The following CFDP1 variants were observed in gnomAD, a reference collection of about 807,000 sequenced individuals.
The protein encoded by CFDP1 is heterochromatin-stabilizing protein CFDP1.
CFDP1 carries 31 observed loss-of-function variants against 40.1 expected under a neutral mutation model. The ratio of observed to expected loss-of-function variants is 0.77; its 90% CI spans 0.58 to 1.04. The LOEUF is 1.04. CFDP1 is among the 50% of genes least tolerant of loss of function. The pLI is 0.00. For synonymous variants in CFDP1, 167 were observed against 120.0 expected, an observed-to-expected ratio of 1.39 and a Z score of -2.56; for missense variants, 423 against 343.4, an observed-to-expected ratio of 1.23 and a Z score of -1.83.
intron 5 of CFDP1, among the ~76,000 whole-genome samples, chr16:75,380,494 GA>G (rs920375716): frequency 1.5e-4 from 22 of 151,594 alleles, no homozygotes; most frequent in African/African-American, 5.3e-4. Context: ...ACAGGCAGTA[GA>G]GAACTAGAAC....
chr16:75,344,613 A>G (rs2078549380), intron 5 of CFDP1, among the ~76,000 whole-genome samples: 2 of 152,236 alleles, frequency 1.3e-5, no homozygotes, highest in Admixed American at 6.5e-5. Flanking sequence ...TAACCCTTAC[A>G]AAGAGCCCAG....
At chr16:75,294,117 G>A in intron 6 of CFDP1, 75 bp from the exon 7 acceptor site, 3 of 1,105,518 alleles carry the variant, frequency 2.7e-6, no homozygotes, top group Middle Eastern at 2.0e-4. Flanking sequence ...CCATCCCCCA[G>A]GGATAAACTA....
At chr16:75,404,275 G>A (rs534433819) in intron 4 of CFDP1, among the ~76,000 whole-genome samples, 11 of 144,660 alleles carry the variant, frequency 7.6e-5, no homozygotes, top group Admixed American at 4.9e-4. Flanking sequence ...TTGCTCTGTT[G>A]CCCAGGCTGG....
At chr16:75,319,526 C>T (rs116958559) in intron 5 of CFDP1, among the ~76,000 whole-genome samples, 1,802 of 152,216 alleles carry the variant, frequency 0.012, 22 homozygotes, top group Non-Finnish European at 0.014. Flanking sequence ...CTTAGCGCTC[C>T]TGCTAGGGTC....
At chr16:75,427,259 T>C (rs946449234) in intron 1 of CFDP1, among the ~76,000 whole-genome samples, 2 of 150,780 alleles carry the variant, frequency 1.3e-5, no homozygotes, top group African/African-American at 2.4e-5. Context: ...ATTTTTTTTC[T>C]TTTTTTTTCG....
intron 4 of CFDP1, chr16:75,409,434 CAAAG>C (rs1351983001): frequency 6.6e-6 from 1 of 152,218 alleles, no homozygotes; most frequent in African/African-American, 2.4e-5. Flanking sequence ...CCCGCCGCCA[CAAAG>C]AGAGGCAGTA....
intron 5 of CFDP1, among the ~76,000 whole-genome samples, chr16:75,318,302 G>A (rs1437879990): frequency 6.6e-6 from 1 of 152,000 alleles, no homozygotes; most frequent in East Asian, 1.9e-4. Context: ...AGCACATCTC[G>A]CCAACTAAGT....
intron 5 of CFDP1, among the ~76,000 whole-genome samples, chr16:75,320,349 A>T (rs940654502): frequency 1.1e-4 from 17 of 152,204 alleles, no homozygotes; most frequent in African/African-American, 3.9e-4. Context: ...AAGTTTGAAA[A>T]AGATGCTTTA....
At chr16:75,369,569 G>A (rs954127777) in intron 5 of CFDP1, among the ~76,000 whole-genome samples, 1 of 152,166 alleles carries the variant, frequency 6.6e-6, no homozygotes, top group African/African-American at 2.4e-5. Flanking sequence ...AGAGACGTAT[G>A]TGTCCACACT....
chr16:75,424,640 A>G (rs1459533879), intron 1 of CFDP1, among the ~76,000 whole-genome samples: 2 of 151,732 alleles, frequency 1.3e-5, no homozygotes, highest in South Asian at 2.1e-4. Flanking sequence ...TGTAGTCCCA[A>G]CTACTCGGGA....
intron 5 of CFDP1, among the ~76,000 whole-genome samples, chr16:75,374,472 T>C (rs1418398432): frequency 6.6e-6 from 1 of 152,086 alleles, no homozygotes; most frequent in Non-Finnish European, 1.5e-5. Flanking sequence ...CACATTCATA[T>C]ACATAGATTA....
intron 5 of CFDP1, among the ~76,000 whole-genome samples, chr16:75,323,859 T>G (rs1315572673): frequency 6.6e-6 from 1 of 152,042 alleles, no homozygotes; most frequent in African/African-American, 2.4e-5. Context: ...ACTGGCAGCA[T>G]GGTAGGTTTG....
chr16:75,362,196 C>T (rs1196167110), intron 5 of CFDP1, among the ~76,000 whole-genome samples: 1 of 152,162 alleles, frequency 6.6e-6, no homozygotes, highest in Non-Finnish European at 1.5e-5. Context: ...GGCTTCAAGG[C>T]CAGGCAAAAA....
At chr16:75,367,180 A>T (rs2078720642) in intron 5 of CFDP1, among the ~76,000 whole-genome samples, 1 of 151,724 alleles carries the variant, frequency 6.6e-6, no homozygotes, top group Admixed American at 6.6e-5. Flanking sequence ...AAAAAAAAAA[A>T]AAAAATTACT....
chr16:75,312,087 C>T (rs986512697), intron 5 of CFDP1, among the ~76,000 whole-genome samples: 2 of 152,106 alleles, frequency 1.3e-5, no homozygotes, highest in Non-Finnish European at 2.9e-5. Flanking sequence ...TAGCTAAAAT[C>T]CGTAAGGCTA....
intron 5 of CFDP1, among the ~76,000 whole-genome samples, chr16:75,363,907 G>C (rs897600866): frequency 1.3e-5 from 2 of 148,996 alleles, no homozygotes; most frequent in African/African-American, 5.0e-5. Flanking sequence ...ACGCCCTCAG[G>C]AAGTTAATAG....
chr16:75,398,349 A>G (rs923845513), intron 4 of CFDP1, among the ~76,000 whole-genome samples: 3 of 152,164 alleles, frequency 2.0e-5, no homozygotes, highest in Admixed American at 6.5e-5. Flanking sequence ...GGTTGCCACA[A>G]ATTTCCCATC....
intron 6 of CFDP1, among the ~76,000 whole-genome samples, chr16:75,298,869 G>T (rs1000454834): frequency 6.6e-6 from 1 of 152,142 alleles, no homozygotes; most frequent in Non-Finnish European, 1.5e-5. Flanking sequence ...TTTGGAGAAA[G>T]AAAATTATTT....
At chr16:75,335,001 C>A (rs1360322556) in intron 5 of CFDP1, among the ~76,000 whole-genome samples, 2 of 151,786 alleles carry the variant, frequency 1.3e-5, no homozygotes, top group African/African-American at 2.4e-5. Flanking sequence ...GGAGACAAAG[C>A]AAAACATCTA....
Sources: gnomAD v4.1 joint callset for allele counts (sites outside exome capture counted in the v4.1 genomes callset) on GRCh38, gnomAD v4.1.1 for gene constraint, MANE v1.5 for transcripts, NCBI Gene and HGNC (gene_info 2026-07-23, HGNC 2026-07-21) for gene names.